CHRNA7: variants seen among roughly 807,000 people sequenced by gnomAD.
CHRNA7 encodes the protein cholinergic receptor nicotinic alpha 7 subunit, also known as neuronal acetylcholine receptor subunit alpha-7.
CHRNA7 carries 17 observed loss-of-function variants against 48.0 expected under a neutral mutation model. The observed-to-expected ratio is 0.35, with a 90% CI of 0.24 to 0.53. The LOEUF (loss-of-function observed/expected upper bound fraction) is 0.53, where lower values mean the gene tolerates loss of function less well. CHRNA7 is among the 20% of genes least tolerant of loss of function. CHRNA7 has a pLI of 0.92. For missense variants in CHRNA7, 155 were observed against 577.7 expected (o/e 0.27, Z 7.50); for synonymous variants, 75 against 242.3 (o/e 0.31, Z 6.41).
chr15:32,149,136 C>A lies in CHRNA7; in HGVS notation c.351-4771C>A, dbSNP rs1291080263. Among the ~76,000 whole-genome samples the A allele has an allele frequency of 6.6e-6, 1 of 152,232 alleles. No individual in the cohort carries two copies. The highest frequency in any genetic ancestry group is 1.5e-5 in the Non-Finnish European group (1 of 68,040). On this transcript the variant is annotated intron_variant, in intron 4 of 9. Coordinates refer to ENST00000306901, the MANE Select transcript of CHRNA7 (RefSeq NM_000746.6). This position sits in a 1 kb window ranked among gnomAD's most constrained non-coding sequence, Gnocchi z 4.6. ...CAAGGACGGAGAGGCCACAGGCCGG[C>A]ATCTTCACAAACTGTGGATGTACTG...
At chr15:32,097,947 TGG>T (rs2050499930) in intron 2 of CHRNA7, among the ~76,000 whole-genome samples, 1 of 152,206 alleles carries the variant, frequency 6.6e-6, no homozygotes, top group Non-Finnish European at 1.5e-5. Context: ...ACTTCCCTCC[TGG>T]GGTGAGGAAC....
chr15:32,064,480 G>A (rs1408127827), intron 2 of CHRNA7, among the ~76,000 whole-genome samples: 1 of 82,084 alleles, frequency 1.2e-5, no homozygotes, highest in African/African-American at 4.5e-5. Context: ...CTGTGTGTGT[G>A]TAGTGTGTGT....
chr15:32,099,883 A>G (rs189975222), intron 2 of CHRNA7: 1 of 152,330 alleles, frequency 6.6e-6, no homozygotes, highest in East Asian at 1.9e-4. Context: ...AAAATGGGAT[A>G]TATTTTTTCC....
At chr15:32,062,072 C>T (rs1452452189) in intron 2 of CHRNA7, among the ~76,000 whole-genome samples, 4 of 152,164 alleles carry the variant, frequency 2.6e-5, no homozygotes, top group African/African-American at 4.8e-5. Flanking sequence ...CTTCCATTTA[C>T]ATTTCTCATA....
At chr15:32,038,528 T>C (rs1261172747) in intron 2 of CHRNA7, among the ~76,000 whole-genome samples, 1 of 152,128 alleles carries the variant, frequency 6.6e-6, no homozygotes, top group Non-Finnish European at 1.5e-5. Context: ...TTGAGATAAA[T>C]TTGCTAATTT....
chr15:32,098,481 A>G (rs1285357247), intron 2 of CHRNA7, among the ~76,000 whole-genome samples: 1 of 152,092 alleles, frequency 6.6e-6, no homozygotes, highest in African/African-American at 2.4e-5. Flanking sequence ...GTCAAGAGCC[A>G]TTTTGCAAAT....
intron 4 of CHRNA7, among the ~76,000 whole-genome samples, chr15:32,150,728 G>A (rs1042528272): frequency 8.5e-5 from 13 of 152,184 alleles, no homozygotes; most frequent in African/African-American, 1.7e-4. Context: ...ACCTTGAGGC[G>A]CCTCCATAGG....
At chr15:32,083,083 G>T (rs1595426624) in intron 2 of CHRNA7, among the ~76,000 whole-genome samples, 2 of 152,184 alleles carry the variant, frequency 1.3e-5, no homozygotes, top group African/African-American at 2.4e-5. Context: ...TAGGACAAAT[G>T]TATTCCTTGG....
chr15:32,091,609 A>G (rs1431705255), intron 2 of CHRNA7, among the ~76,000 whole-genome samples: 1 of 152,140 alleles, frequency 6.6e-6, no homozygotes, highest in African/African-American at 2.4e-5. Context: ...TTCTTGGCCA[A>G]TGGTCTCTTC....
At chr15:32,132,041 C>T (rs934291960) in intron 4 of CHRNA7, among the ~76,000 whole-genome samples, 3 of 152,180 alleles carry the variant, frequency 2.0e-5, no homozygotes, top group Non-Finnish European at 4.4e-5. Flanking sequence ...TCACCTCTTG[C>T]AAGTATGGGG....
intron 2 of CHRNA7, among the ~76,000 whole-genome samples, chr15:32,097,063 T>A (rs1180981632): frequency 6.6e-6 from 1 of 152,110 alleles, no homozygotes; most frequent in Admixed American, 6.5e-5. Context: ...TCGCACAGAT[T>A]GCAGCATGCT....
At chr15:32,145,357 T>C (rs1276037936) in intron 4 of CHRNA7, among the ~76,000 whole-genome samples, 1 of 152,140 alleles carries the variant, frequency 6.6e-6, no homozygotes, top group African/African-American at 2.4e-5. Flanking sequence ...TGTCTCCCAG[T>C]CAGGCTACAC....
chr15:32,033,635 CCTTA>C (rs1168101350), intron 2 of CHRNA7, among the ~76,000 whole-genome samples: 1 of 152,216 alleles, frequency 6.6e-6, no homozygotes, highest in African/African-American at 2.4e-5. Context: ...TGTATTCCAG[CCTTA>C]CTTGGCTCTG....
chr15:32,145,863 C>T (rs2051477438), intron 4 of CHRNA7, among the ~76,000 whole-genome samples: 2 of 152,236 alleles, frequency 1.3e-5, no homozygotes, highest in African/African-American at 4.8e-5. Context: ...AATCCCCCAA[C>T]CCCTTGCACT....
chr15:32,100,213 C>T (rs1181667383), intron 2 of CHRNA7: 2 of 151,180 alleles, frequency 1.3e-5, no homozygotes, highest in African/African-American at 2.4e-5. Flanking sequence ...TTTGAAACTT[C>T]CCATCGGTGA....
intron 3 of CHRNA7, 176 bp from the exon 4 acceptor site, chr15:32,111,612 TCA>T: frequency 1.8e-6 from 1 of 561,908 alleles, no homozygotes; most frequent in Non-Finnish European, 3.1e-6. Context: ...TTTATGCTCT[TCA>T]CAGTCATTTT....
At chr15:32,048,948 A>C (rs1225126194) in intron 2 of CHRNA7, among the ~76,000 whole-genome samples, 2 of 150,034 alleles carry the variant, frequency 1.3e-5, no homozygotes, top group Non-Finnish European at 2.9e-5. Context: ...ATTCAGGAGC[A>C]GGTTGTTCAG....
chr15:32,053,288 C>A (rs1367163500), intron 2 of CHRNA7, among the ~76,000 whole-genome samples: 1 of 152,202 alleles, frequency 6.6e-6, no homozygotes, highest in Non-Finnish European at 1.5e-5. Context: ...CTTTGACATG[C>A]TGTTAAAGGA....
At chr15:32,095,138 A>G (rs191555867) in intron 2 of CHRNA7, among the ~76,000 whole-genome samples, 1 of 152,338 alleles carries the variant, frequency 6.6e-6, no homozygotes, top group Non-Finnish European at 1.5e-5. Context: ...TATAGTTTTC[A>G]CATTGTGTCC....
Sources: allele counts gnomAD v4.1 joint callset (sites outside exome capture counted in the v4.1 genomes callset), GRCh38; gene constraint gnomAD v4.1.1; non-coding constraint Gnocchi (gnomAD v3.1); transcripts MANE v1.5; gene names NCBI Gene and HGNC (gene_info 2026-07-23, HGNC 2026-07-21).